The following ENTREP2 variants were observed in gnomAD, a reference collection of about 807,000 sequenced individuals.
The protein encoded by ENTREP2 is endosomal transmembrane epsin interactor 2.
chr15:29,306,958 G>C, the ENTREP2 span, among the ~76,000 whole-genome samples: 8 of 152,008 alleles, frequency 5.3e-5, no homozygotes, highest in African/African-American at 1.9e-4. Flanking sequence ...ATGTTGCCCA[G>C]GCTGGTCTCA....
chr15:29,595,540 G>A, the ENTREP2 span, among the ~76,000 whole-genome samples: 2 of 151,998 alleles, frequency 1.3e-5, no homozygotes, highest in African/African-American at 4.8e-5. Context: ...ATTAGTTGTC[G>A]CGTCTCCTAC....
At chr15:29,201,223 G>A in the ENTREP2 span, among the ~76,000 whole-genome samples, 1 of 152,156 alleles carries the variant, frequency 6.6e-6, no homozygotes, top group African/African-American at 2.4e-5. Context: ...CACAAACAGA[G>A]TTAGTTATAT....
chr15:29,473,486 T>A, the ENTREP2 span, among the ~76,000 whole-genome samples: 4 of 152,230 alleles, frequency 2.6e-5, no homozygotes, highest in African/African-American at 9.6e-5. Flanking sequence ...AAGTCCATTC[T>A]GTACTGTGAA....
the ENTREP2 span, among the ~76,000 whole-genome samples, chr15:29,214,717 G>T: frequency 6.6e-6 from 1 of 151,538 alleles, no homozygotes; most frequent in Admixed American, 6.6e-5. Context: ...AAAAAAAAAG[G>T]AGCAAGTTAT....
chr15:29,324,331 C>T, the ENTREP2 span, among the ~76,000 whole-genome samples: 1 of 152,064 alleles, frequency 6.6e-6, no homozygotes, highest in South Asian at 2.1e-4. Flanking sequence ...ATTGGCCTAC[C>T]TTGGCCTCCC....
chr15:29,571,145 G>A, the ENTREP2 span, among the ~76,000 whole-genome samples: 3 of 149,850 alleles, frequency 2.0e-5, no homozygotes, highest in Non-Finnish European at 4.5e-5. Flanking sequence ...AGCCGGGAGA[G>A]GGGCGGGGAA....
the ENTREP2 span, among the ~76,000 whole-genome samples, chr15:29,211,503 T>G: frequency 2.0e-5 from 3 of 152,228 alleles, no homozygotes; most frequent in Admixed American, 6.5e-5. Context: ...TGGCTAGGAC[T>G]TCAGTAGTGT....
At chr15:29,252,358 C>T in the ENTREP2 span, 7 of 1,516,282 alleles carry the variant, frequency 4.6e-6, no homozygotes, top group South Asian at 8.4e-5. Context: ...GTTTGCATTT[C>T]ATTACTTACC....
the ENTREP2 span, chr15:29,123,530 G>A: frequency 6.4e-7 from 1 of 1,551,752 alleles, no homozygotes. Flanking sequence ...AAAGAGCGTG[G>A]CCGCTCTTTG....
At chr15:29,123,495 A>G in the ENTREP2 span, 1,385,530 of 1,551,622 alleles carry the variant, frequency 0.89, 619,112 homozygotes, top group South Asian at 0.95. Context: ...AAACCCTGGC[A>G]TCCGCATAGG....
the ENTREP2 span, among the ~76,000 whole-genome samples, chr15:29,157,687 T>C: frequency 1.4e-4 from 22 of 152,066 alleles, no homozygotes; most frequent in South Asian, 4.4e-3. Context: ...GTATTTTATA[T>C]ATCTCAGGAG....
chr15:29,622,685 C>T, the ENTREP2 span, among the ~76,000 whole-genome samples: 1 of 152,158 alleles, frequency 6.6e-6, no homozygotes, highest in African/African-American at 2.4e-5. Flanking sequence ...CCTCAAGCCT[C>T]TCCTCTCCAA....
At chr15:29,617,758 C>G in the ENTREP2 span, among the ~76,000 whole-genome samples, 1 of 152,198 alleles carries the variant, frequency 6.6e-6, no homozygotes, top group Non-Finnish European at 1.5e-5. Flanking sequence ...TGTGGCATCT[C>G]TCAGAGAGCT....
the ENTREP2 span, chr15:29,613,400 C>G: frequency 2.2e-6 from 1 of 444,582 alleles, no homozygotes; most frequent in Non-Finnish European, 4.6e-6. Context: ...AAGCTGAGAG[C>G]TGTGACTGCC....
At chr15:29,324,938 T>C in the ENTREP2 span, among the ~76,000 whole-genome samples, 1 of 152,180 alleles carries the variant, frequency 6.6e-6, no homozygotes, top group Non-Finnish European at 1.5e-5. Flanking sequence ...ACCACATTCT[T>C]GGCCAGAGAA....
the ENTREP2 span, among the ~76,000 whole-genome samples, chr15:29,159,918 G>GCCTGCACT: frequency 6.6e-6 from 1 of 152,276 alleles, no homozygotes; most frequent in African/African-American, 2.4e-5. Context: ...CGCGCTGTGC[G>GCCTGCACT]CCTGCACTCC....
chr15:29,468,812 A>G, the ENTREP2 span, among the ~76,000 whole-genome samples: 7 of 152,166 alleles, frequency 4.6e-5, no homozygotes, highest in Admixed American at 2.0e-4. Context: ...TATGATAATT[A>G]AATCTGTTTT....
chr15:29,326,629 G>A, the ENTREP2 span, among the ~76,000 whole-genome samples: 1 of 152,084 alleles, frequency 6.6e-6, no homozygotes, highest in Non-Finnish European at 1.5e-5. Flanking sequence ...TTGTTAATAT[G>A]TCAATTCTTC....
the ENTREP2 span, among the ~76,000 whole-genome samples, chr15:29,362,367 CTTTTTTT>C: frequency 3.3e-4 from 30 of 91,502 alleles, no homozygotes; most frequent in Admixed American, 2.4e-3. Context: ...TGTTTTTAAT[CTTTTTTT>C]TTTTTTTTTT....
Sources: gnomAD v4.1 joint callset for allele counts (sites outside exome capture counted in the v4.1 genomes callset) on GRCh38, gnomAD v4.1.1 for gene constraint, MANE v1.5 for transcripts, NCBI Gene and HGNC (gene_info 2026-07-23, HGNC 2026-07-21) for gene names.